SFXN5: variants seen among roughly 807,000 people sequenced by gnomAD.
SFXN5 encodes sideroflexin-5.
SFXN5 carries 43 observed loss-of-function variants against 50.2 expected under a neutral mutation model. The ratio of observed to expected loss-of-function variants is 0.86; its 90% CI spans 0.67 to 1.11. SFXN5 has a LOEUF of 1.11. Among genes scored for constraint, SFXN5 ranks in the 50% least tolerant of loss-of-function variants. The probability of loss-of-function intolerance (pLI) is 0.00; values close to 1 mark genes in which losing one functional copy is unlikely to be tolerated. For synonymous variants in SFXN5, 203 were observed against 185.8 expected (o/e 1.09, Z -0.75); for missense variants, 463 against 454.1 (o/e 1.02, Z -0.18).
rs149632504 is a variant in SFXN5, at chr2:73,009,232, C to G, written c.358-7654G>C. On this transcript the variant is annotated intron_variant, in intron 6 of 13. Transcript: ENST00000272433. ...CCTAAGGTGTGGACTGGAACCTTCA[C>G]TCCCCTTCAGACCAGGCATTTGCTT... is the stretch of plus-strand genomic sequence containing the variant. Among the ~76,000 whole-genome samples the G allele has an allele frequency of 5.3e-4, 81 of 152,374 alleles. 1 individual carries two copies. The highest frequency in any genetic ancestry group is 1.7e-3 in the African/African-American group (69 of 41,590).
rs575795922 is a variant in SFXN5 at position 72,942,596 on chromosome 2, G to T, written c.*2426C>A. On this transcript the variant is annotated 3_prime_UTR_variant, in exon 14 of 14. Transcript: ENST00000272433. ...GGCCTCAGCAGAGTGGGGCATGGGT[G>T]CTGGGTGAAGGTTTCCCCTCACAGG... 3 of 152,464 alleles carry T rather than the reference G, an allele frequency of 2.0e-5. No homozygotes were observed. The South Asian group carries it at 6.2e-4, about 32-fold the overall frequency. The allele number at this position is 152,464 out of a possible 1,614,324, so 9.4% of individuals were successfully genotyped here.
At position 73,029,374 on chromosome 2, in the gene SFXN5, A is replaced by G. The variant is rs182328002; in HGVS notation, c.250-6160T>C. Among the ~76,000 whole-genome samples, 223 of 152,384 alleles carry G rather than the reference A, an allele frequency of 1.5e-3. 4 individuals carry two copies. The highest frequency in any genetic ancestry group is 3.0e-3 in the Non-Finnish European group (203 of 68,032). ...TATGCATATATAAAATATTTGACTC[A>G]TAGAACGTGCTCAATAGTTTTGCCT... On this transcript the variant is annotated intron_variant, in intron 3 of 13. Coordinates refer to ENST00000272433, the MANE Select transcript of SFXN5 (RefSeq NM_144579.3).
intron 13 of SFXN5, among the ~76,000 whole-genome samples, chr2:72,958,679 T>C (rs1673368412): frequency 6.9e-6 from 1 of 144,748 alleles, no homozygotes; most frequent in African/African-American, 2.6e-5. Context: ...GGGACAGGGA[T>C]GTCAGAGACC....
intron 10 of SFXN5, 61 bp from the exon 11 acceptor site, chr2:72,971,746 G>GTAGTGACCTCCCTCC: frequency 1.5e-6 from 2 of 1,313,272 alleles, no homozygotes; most frequent in Non-Finnish European, 2.2e-6. Context: ...CACCTGGAGG[G>GTAGTGACCTCCCTCC]AGGTCACTAC....
intron 2 of SFXN5, among the ~76,000 whole-genome samples, chr2:73,048,778 C>A (rs1218876333): frequency 6.6e-6 from 1 of 152,166 alleles, no homozygotes; most frequent in Non-Finnish European, 1.5e-5. Context: ...GTATATAAAT[C>A]TCACTGTACT....
At chr2:72,997,139 A>G (rs1206970618) in intron 9 of SFXN5, 1 of 152,002 alleles carries the variant, frequency 6.6e-6, no homozygotes, top group African/African-American at 2.4e-5. Flanking sequence ...TTGTGAAGAC[A>G]TAAGGATTTG....
rs111358878 is a variant in SFXN5, at chr2:73,001,996, C to T, written c.358-418G>A. ...TAGGGGGGCAATAAAAACAAGCAAACAAAAGGAATACCTTCGTTTCCACTC... is the reference window on the plus strand; with the variant it reads ...TAGGGGGGCAATAAAAACAAGCAAATAAAAGGAATACCTTCGTTTCCACTC... On this transcript the variant is annotated intron_variant, in intron 6 of 13. Transcript: ENST00000272433. 3.4e-3 allele frequency among the ~76,000 whole-genome samples: 517 copies of T among 152,250 alleles called. 6 individuals carry two copies. Among genetic ancestry groups the T allele is most frequent in the African/African-American group, 1.0e-2 (415 of 41,544 alleles).
At chr2:72,969,146 G>A (rs59456541) in intron 11 of SFXN5, among the ~76,000 whole-genome samples, 1 of 152,074 alleles carries the variant, frequency 6.6e-6, no homozygotes, top group Non-Finnish European at 1.5e-5. Context: ...GAGAAGAGCA[G>A]ATTCCCATCA....
chr2:73,026,351 G>T (rs1405321677), intron 3 of SFXN5, among the ~76,000 whole-genome samples: 2 of 150,010 alleles, frequency 1.3e-5, no homozygotes, highest in Non-Finnish European at 3.0e-5. Flanking sequence ...GGCTGGTCTT[G>T]AACTCCTGGC....
At chr2:72,966,702 C>T (rs1398442850) in intron 12 of SFXN5, among the ~76,000 whole-genome samples, 5 of 152,188 alleles carry the variant, frequency 3.3e-5, no homozygotes, top group Non-Finnish European at 5.9e-5. Context: ...CACAGGCCTG[C>T]ACCCTGCCCA....
At chr2:73,040,524 C>A (rs1431273592) in intron 3 of SFXN5, among the ~76,000 whole-genome samples, 2 of 152,170 alleles carry the variant, frequency 1.3e-5, no homozygotes, top group Non-Finnish European at 2.9e-5. Context: ...ATAAATACTC[C>A]CATCATGGCT....
intron 2 of SFXN5, among the ~76,000 whole-genome samples, chr2:73,050,388 G>GCACACACACACACACACACACACA (rs770773072): frequency 7.0e-6 from 1 of 143,808 alleles, no homozygotes; most frequent in Non-Finnish European, 1.5e-5. Context: ...CAGCCACAGC[G>GCACACACACACACACACACACACA]CACGCACACA....
chr2:73,039,135 C>T (rs1042214055), intron 3 of SFXN5, among the ~76,000 whole-genome samples: 3 of 152,162 alleles, frequency 2.0e-5, no homozygotes, highest in African/African-American at 7.2e-5. Context: ...TTCAGGTTGG[C>T]CAGGATGGTC....
chr2:73,044,445 C>T (rs950680197), intron 2 of SFXN5: 13 of 152,356 alleles, frequency 8.5e-5, no homozygotes, highest in Admixed American at 8.5e-4. Flanking sequence ...GGCCCTGAGG[C>T]CTGGCTGTTC....
intron 1 of SFXN5, among the ~76,000 whole-genome samples, chr2:73,067,445 T>C (rs1270104106): frequency 6.6e-6 from 1 of 152,208 alleles, no homozygotes; most frequent in African/African-American, 2.4e-5. Context: ...AATGTACCAA[T>C]GTTAGTTTCT....
rs1368048272 is a variant in SFXN5, at chr2:72,988,365, TAAA to T, written c.535-20_535-18del. On this transcript the variant is annotated intron_variant, in intron 9 of 13. Coordinates refer to ENST00000272433, the MANE Select transcript of SFXN5 (RefSeq NM_144579.3). ...AAGGCCCACCTTTGAAAGAAAAAAA[TAAA>T]AACACAGAAAAAGTACATGATGCTG... 1.9e-6 allele frequency: 3 copies of T among 1,610,578 alleles called. 1 individual carries two copies. The East Asian group carries it at 6.7e-5, about 36-fold the overall frequency.
At chr2:73,064,062 G>A (rs939391616) in intron 1 of SFXN5, among the ~76,000 whole-genome samples, 4 of 152,178 alleles carry the variant, frequency 2.6e-5, no homozygotes, top group African/African-American at 9.6e-5. Context: ...CAGGAGCCAG[G>A]GCCTACAGCA....
intron 6 of SFXN5, among the ~76,000 whole-genome samples, chr2:73,006,653 T>C (rs1478281502): frequency 6.6e-6 from 1 of 151,834 alleles, no homozygotes; most frequent in African/African-American, 2.4e-5. Flanking sequence ...TGCTCACGTA[T>C]GCCACTGAAG....
intron 2 of SFXN5, among the ~76,000 whole-genome samples, chr2:73,050,420 A>ACACACACACACACACACACACACACCC (rs1553523879): frequency 1.4e-5 from 2 of 140,676 alleles, no homozygotes; most frequent in African/African-American, 5.0e-5. Flanking sequence ...ACACACACAC[A>ACACACACACACACACACACACACACCC]CCCCTGCAGA....
Sources: gnomAD v4.1 joint callset for allele counts (sites outside exome capture counted in the v4.1 genomes callset) on GRCh38, gnomAD v4.1.1 for gene constraint, MANE v1.5 for transcripts, NCBI Gene and HGNC (gene_info 2026-07-23, HGNC 2026-07-21) for gene names.